C12orf42: variants seen among roughly 807,000 people sequenced by gnomAD.
C12orf42 encodes the protein chromosome 12 open reading frame 42.
C12orf42 carries 25 observed loss-of-function variants against 21.6 expected under a neutral mutation model. The ratio of observed to expected loss-of-function variants is 1.16; its 90% confidence interval spans 0.84 to 1.62. C12orf42 has a LOEUF of 1.62. C12orf42 is among the 40% of genes most tolerant of loss of function. C12orf42 has a pLI of 0.00. For missense variants in C12orf42, 483 were observed against 459.3 expected (o/e 1.05, Z -0.47); for synonymous variants, 174 against 175.0 (o/e 0.99, Z 0.05).
chr12:103,094,306 G>A, the C12orf42 span, among the ~76,000 whole-genome samples: 1 of 152,118 alleles, frequency 6.6e-6, no homozygotes, highest in Admixed American at 6.6e-5. Context: ...CATATTGAAT[G>A]AAGTTCAAAT....
At chr12:103,473,611 G>A (rs1476114442) in intron 2 of C12orf42, among the ~76,000 whole-genome samples, 1 of 152,128 alleles carries the variant, frequency 6.6e-6, no homozygotes, top group African/African-American at 2.4e-5. Context: ...TATAGTACAG[G>A]CATCAGCTAG....
intron 2 of C12orf42, among the ~76,000 whole-genome samples, chr12:103,474,696 G>C (rs573834800): frequency 6.6e-6 from 1 of 152,210 alleles, no homozygotes; most frequent in African/African-American, 2.4e-5. Flanking sequence ...ACCCAAAGTA[G>C]ATTTTCCTTT....
chr12:103,197,434 T>C, the C12orf42 span, among the ~76,000 whole-genome samples: 2 of 152,356 alleles, frequency 1.3e-5, no homozygotes, highest in South Asian at 2.1e-4. Flanking sequence ...ATTCATAAAA[T>C]GACTGTTTCA....
intron 3 of C12orf42, among the ~76,000 whole-genome samples, chr12:103,369,393 T>C (rs1207014690): frequency 6.6e-6 from 1 of 152,046 alleles, no homozygotes. Flanking sequence ...GTGATTTTTC[T>C]ATTGCTAAGA....
intron 5 of C12orf42, among the ~76,000 whole-genome samples, chr12:103,302,850 CTG>C (rs1477151526): frequency 6.6e-6 from 1 of 151,630 alleles, no homozygotes; most frequent in African/African-American, 2.4e-5. Context: ...TCAAGGAAAA[CTG>C]TTCAAAACTC....
the C12orf42 span, among the ~76,000 whole-genome samples, chr12:103,049,391 G>A: frequency 1.3e-5 from 2 of 152,138 alleles, no homozygotes; most frequent in African/African-American, 4.8e-5. Flanking sequence ...AAACGCATCT[G>A]AATTTGTACA....
chr12:103,177,373 C>G, the C12orf42 span, among the ~76,000 whole-genome samples: 2 of 152,160 alleles, frequency 1.3e-5, no homozygotes, highest in African/African-American at 2.4e-5. Flanking sequence ...AAAAGTTACC[C>G]CTAAGTATCT....
At chr12:103,165,520 G>A in the C12orf42 span, among the ~76,000 whole-genome samples, 2 of 152,208 alleles carry the variant, frequency 1.3e-5, no homozygotes, top group African/African-American at 4.8e-5. Context: ...GTGGCATATA[G>A]AAACAGTGGC....
At chr12:103,183,023 T>C in the C12orf42 span, among the ~76,000 whole-genome samples, 29 of 152,188 alleles carry the variant, frequency 1.9e-4, no homozygotes, top group African/African-American at 6.7e-4. Context: ...ACTGTACTCC[T>C]CTTGTATTTT....
At chr12:103,136,138 C>A in the C12orf42 span, among the ~76,000 whole-genome samples, 1 of 152,020 alleles carries the variant, frequency 6.6e-6, no homozygotes, top group Non-Finnish European at 1.5e-5. Flanking sequence ...AATCTTCTAT[C>A]TAGAAAAACC....
chr12:103,105,931 G>A, the C12orf42 span, among the ~76,000 whole-genome samples: 1 of 152,156 alleles, frequency 6.6e-6, no homozygotes, highest in Non-Finnish European at 1.5e-5. Flanking sequence ...TCCACAAGAT[G>A]AGATTAGAGA....
chr12:103,073,354 A>G, the C12orf42 span, among the ~76,000 whole-genome samples: 1 of 152,126 alleles, frequency 6.6e-6, no homozygotes, highest in East Asian at 1.9e-4. Context: ...AATAGAAGAA[A>G]AGAAAAAGAA....
At chr12:103,444,061 T>C (rs547834990) in intron 2 of C12orf42, among the ~76,000 whole-genome samples, 74 of 152,236 alleles carry the variant, frequency 4.9e-4, no homozygotes, top group African/African-American at 1.7e-3. Context: ...TTTTATTTTA[T>C]TGTTTTTTAC....
intron 2 of C12orf42, among the ~76,000 whole-genome samples, chr12:103,474,508 A>G (rs1953894644): frequency 6.6e-6 from 1 of 151,898 alleles, no homozygotes; most frequent in Non-Finnish European, 1.5e-5. Context: ...ATGATCAAGA[A>G]TAATTCATCA....
chr12:103,357,613 G>A (rs1020388745), intron 4 of C12orf42, among the ~76,000 whole-genome samples: 1 of 152,004 alleles, frequency 6.6e-6, no homozygotes, highest in Non-Finnish European at 1.5e-5. Flanking sequence ...TCATAACTAG[G>A]AGAGAAAAAT....
chr12:103,147,449 C>T, the C12orf42 span, among the ~76,000 whole-genome samples: 9 of 150,578 alleles, frequency 6.0e-5, no homozygotes, highest in Admixed American at 1.3e-4. Flanking sequence ...CAGAAATCCA[C>T]GGCTGTGACA....
chr12:103,543,883 TTTTTTTTG>T, the C12orf42 span, among the ~76,000 whole-genome samples: 91 of 110,838 alleles, frequency 8.2e-4, no homozygotes, highest in African/African-American at 3.4e-3. Context: ...TTTTTGGGTT[TTTTTTTTG>T]TTTTGTTTTT....
the C12orf42 span, among the ~76,000 whole-genome samples, chr12:103,109,974 A>T: frequency 3.3e-5 from 5 of 152,330 alleles, no homozygotes; most frequent in East Asian, 9.6e-4. Flanking sequence ...AGCAACAGTG[A>T]GACAATGTAA....
chr12:103,134,010 T>G, the C12orf42 span, among the ~76,000 whole-genome samples: 3 of 152,230 alleles, frequency 2.0e-5, no homozygotes, highest in Non-Finnish European at 4.4e-5. Context: ...CTTTATGAAT[T>G]ACCCAGTCTC....
Sources: gnomAD v4.1 joint callset for allele counts (sites outside exome capture counted in the v4.1 genomes callset) on GRCh38, gnomAD v4.1.1 for gene constraint, MANE v1.5 for transcripts, NCBI Gene and HGNC (gene_info 2026-07-23, HGNC 2026-07-21) for gene names.